TF: variants seen among roughly 807,000 people sequenced by gnomAD.
The protein encoded by TF is transferrin.
In TF, 55 loss-of-function variants were observed where a neutral mutation model predicts 82.4. That is an observed-to-expected ratio of 0.67 (90% CI 0.54 to 0.84). TF has a LOEUF of 0.84. Among genes scored for constraint, TF ranks in the 40% least tolerant of loss-of-function variants. TF has a pLI of 0.00. For missense variants in TF, 737 were observed against 868.4 expected, an observed-to-expected ratio of 0.85 and a Z score of 1.90; for synonymous variants, 332 against 332.6, an observed-to-expected ratio of 1.00 and a Z score of 0.02.
At position 133,748,591 on chromosome 3, in the gene TF, C is replaced by A; in HGVS notation, c.216+7C>A. ...TTGCATCAGGGCCATTGCGGTAAGTCGCTGCTGCCTAAAAGAGAGTGGAAG... is the reference window on the plus strand; with the variant it reads ...TTGCATCAGGGCCATTGCGGTAAGTAGCTGCTGCCTAAAAGAGAGTGGAAG... On this transcript the variant is annotated splice_region_variant and intron_variant, in intron 2 of 16. Transcript: ENST00000402696. The A allele has an allele frequency of 6.2e-7, 1 of 1,613,932 alleles. No individual in the cohort carries two copies. The highest frequency in any genetic ancestry group is 1.1e-5 in the South Asian group (1 of 91,028).
chr3:133,723,038 T>C, the TF span, among the ~76,000 whole-genome samples: 1 of 150,374 alleles, frequency 6.7e-6, no homozygotes, highest in Non-Finnish European at 1.5e-5. Context: ...GGGATAACTT[T>C]GTGGGACACA....
the TF span, among the ~76,000 whole-genome samples, chr3:133,691,046 A>G: frequency 2.6e-5 from 4 of 152,178 alleles, no homozygotes; most frequent in South Asian, 8.3e-4. Context: ...TAAAATATTT[A>G]TAAGAAAAAG....
Position 133,768,030 on chromosome 3 carries a change from T to C in TF, c.1488T>C (p.Asp496=), listed in dbSNP as rs954847224. 3 of 1,614,030 alleles carry C rather than the reference T, an allele frequency of 1.9e-6. No individual in the cohort carries two copies. Among genetic ancestry groups the C allele is most frequent in the Non-Finnish European group, 2.5e-6 (3 of 1,180,004 alleles). ...LYNKINHCRF[D]EFFSEGCAPG... ...ACTTCCTCTTGTCCTTCTGCACAGA[T>C]GAATTTTTCAGTGAAGGTTGTGCCC... is the stretch of plus-strand genomic sequence containing the variant. The change falls in exon 13 of 17, where the codon GAT becomes GAC. Residue 496 remains aspartate, a splice_region_variant and synonymous_variant. Coordinates refer to ENST00000402696, the MANE Select transcript of TF (RefSeq NM_001063.4).
the TF span, among the ~76,000 whole-genome samples, chr3:133,664,751 A>G: frequency 6.6e-6 from 1 of 152,058 alleles, no homozygotes; most frequent in Non-Finnish European, 1.5e-5. Flanking sequence ...ACTATGGCAA[A>G]TTTTACATAA....
In TF at chr3:133,784,471, A is replaced by AAAAAATAAT. The variant is rs763086171; in HGVS notation, c.*5853_*5854insAAATAATAA. On this transcript the variant is annotated 3_prime_UTR_variant, in exon 17 of 17. Coordinates refer to ENST00000402696, the MANE Select transcript of TF (RefSeq NM_001063.4). Reference sequence around the variant, plus strand: ...TCTTGTAAATTCCCATTTGTTAAAAAAATAATAATAATAATAATAATAATA... The same window carrying AAAAAATAAT: ...TCTTGTAAATTCCCATTTGTTAAAAAAAAAATAATAATAATAATAATAATAATAATAATA... 334 of 105,578 alleles carry AAAAAATAAT rather than the reference A, an allele frequency of 3.2e-3. 5 individuals carry two copies. The highest frequency in any genetic ancestry group is 0.012 in the African/African-American group (316 of 26,588). 6.5% of individuals were successfully genotyped at this position (105,578 alleles called of 1,614,324 possible).
the TF span, among the ~76,000 whole-genome samples, chr3:133,696,946 C>T: frequency 1.3e-5 from 2 of 152,126 alleles, no homozygotes; most frequent in East Asian, 3.8e-4. Flanking sequence ...ACATTCAAAA[C>T]ATTTGAAATA....
At chr3:133,728,760 C>G in the TF span, among the ~76,000 whole-genome samples, 1 of 152,066 alleles carries the variant, frequency 6.6e-6, no homozygotes, top group East Asian at 1.9e-4. Flanking sequence ...TTTTTCTGTT[C>G]TGTTTTTTCC....
the TF span, among the ~76,000 whole-genome samples, chr3:133,686,896 C>T: frequency 3.0e-4 from 45 of 152,270 alleles, no homozygotes; most frequent in African/African-American, 9.9e-4. Flanking sequence ...ACATGCACAC[C>T]TATGTTTATT....
intron 14 of TF, chr3:133,773,485 T>TTGTGTGTGTGTGTGTG (rs68187578): frequency 3.4e-5 from 5 of 148,888 alleles, no homozygotes; most frequent in African/African-American, 1.0e-4. Flanking sequence ...TTATCACAAT[T>TTGTGTGTGTGTGTGTG]TGTGTGTGTG....
chr3:133,678,192 A>T, the TF span, among the ~76,000 whole-genome samples: 229 of 152,304 alleles, frequency 1.5e-3, 3 homozygotes, highest in African/African-American at 5.3e-3. Context: ...ACATGAACTC[A>T]TCCTTTTTTA....
chr3:133,732,398 C>G, the TF span, among the ~76,000 whole-genome samples: 15 of 152,234 alleles, frequency 9.9e-5, no homozygotes, highest in African/African-American at 3.4e-4. Flanking sequence ...TAAAACGGAC[C>G]AATCAGCACT....
the TF span, among the ~76,000 whole-genome samples, chr3:133,713,904 CCCTGCT>C: frequency 6.6e-6 from 1 of 152,168 alleles, no homozygotes; most frequent in East Asian, 1.9e-4. Flanking sequence ...CCTGTCCCTC[CCCTGCT>C]CCCAGTCTTC....
Position 133,768,122 on chromosome 3 carries a change from CCA to C in TF, c.1581_1582del (p.Asn528GlnfsTer17). 1.9e-6 allele frequency: 3 copies of C among 1,614,056 alleles called. No individual in the cohort carries two copies. Among genetic ancestry groups the C allele is most frequent in the African/African-American group, 1.3e-5 (1 of 74,976 alleles). ...GGCTCAGGCCTAAACCTGTGTGAACCCAACAACAAAGAGGGATACTACGGCTA... is the reference window on the plus strand; with the variant it reads ...GGCTCAGGCCTAAACCTGTGTGAACCACAACAAAGAGGGATACTACGGCTA... On this transcript the variant is annotated frameshift_variant, in exon 13 of 17. Transcript: ENST00000402696. LOFTEE classifies it high-confidence loss of function.
At position 133,757,813 on chromosome 3, in the gene TF, C is replaced by T; in HGVS notation, c.915C>T (p.Ser305=). Residue 305 remains serine, a synonymous_variant, in exon 8 of 17, where the codon AGC becomes AGT. Coordinates refer to ENST00000402696, the MANE Select transcript of TF (RefSeq NM_001063.4). ...KDKSKEFQLF[S]SPHGKDLLFK... ...AATCAAAAGAATTCCAACTATTCAGCTCTCCTCATGGGAAGGACCTGCTGT... is the reference window on the plus strand; with the variant it reads ...AATCAAAAGAATTCCAACTATTCAGTTCTCCTCATGGGAAGGACCTGCTGT... 1.2e-6 allele frequency: 2 copies of T among 1,614,224 alleles called. No individual in the cohort carries two copies. The highest frequency in any genetic ancestry group is 1.7e-6 in the Non-Finnish European group (2 of 1,180,036).
At chr3:133,711,547 G>A in the TF span, among the ~76,000 whole-genome samples, 1 of 152,028 alleles carries the variant, frequency 6.6e-6, no homozygotes, top group East Asian at 1.9e-4. Context: ...CCTCCGCATA[G>A]CCATCTATCT....
At chr3:133,765,497 A>G (rs369960982) in intron 11 of TF, among the ~76,000 whole-genome samples, 2 of 152,192 alleles carry the variant, frequency 1.3e-5, no homozygotes, top group African/African-American at 4.8e-5. Flanking sequence ...CAAGGTGAGC[A>G]CTGGCCCCCT....
rs1280183482 is a variant in TF, at chr3:133,754,728, C to T, written c.502+57C>T. On this transcript the variant is annotated intron_variant, in intron 4 of 16. Transcript: ENST00000402696. The stretch of plus-strand genomic sequence containing the variant: ...CAGCTGCCTCTGCTCCAGATGCCCA[C>T]ACAGGCTGCACTAGACAGTCACCAT... The T allele has an allele frequency of 6.4e-6, 10 of 1,557,662 alleles. No homozygotes were observed. In the Admixed American group the frequency reaches 1.0e-4, roughly 16 times the overall value.
chr3:133,764,087 G>A (rs1402919384), intron 9 of TF, 95 bp from the exon 10 acceptor site: 2 of 1,033,826 alleles, frequency 1.9e-6, no homozygotes, highest in East Asian at 2.4e-5. Flanking sequence ...TGGCATTCAT[G>A]TGCTGGAAAG....
intron 2 of TF, among the ~76,000 whole-genome samples, chr3:133,752,311 T>C (rs1490196369): frequency 6.6e-6 from 1 of 152,116 alleles, no homozygotes; most frequent in Non-Finnish European, 1.5e-5. Flanking sequence ...TTGGCTAGGC[T>C]GGTCTCGAAC....
Sources: allele counts gnomAD v4.1 joint callset (sites outside exome capture counted in the v4.1 genomes callset), GRCh38; gene constraint gnomAD v4.1.1; transcripts MANE v1.5; gene names NCBI Gene and HGNC (gene_info 2026-07-23, HGNC 2026-07-21).